CRAT: variants seen among roughly 807,000 people sequenced by gnomAD.
The protein encoded by CRAT is carnitine acetylase.
Under a neutral mutation model 73.7 loss-of-function variants are expected in CRAT, and 66 were observed. That is an observed-to-expected ratio of 0.90 (90% CI 0.73 to 1.10). CRAT has a LOEUF of 1.10. Among genes scored for constraint, CRAT ranks in the 50% least tolerant of loss-of-function variants. CRAT has a pLI of 0.00. For synonymous variants in CRAT, 321 were observed against 343.2 expected, an observed-to-expected ratio of 0.94 and a Z score of 0.71; for missense variants, 745 against 846.9, an observed-to-expected ratio of 0.88 and a Z score of 1.49.
At chr9:129,095,965 C>G (rs372493256) in intron 13 of CRAT, 33 bp downstream of exon 13, 1 of 1,613,380 alleles carries the variant, frequency 6.2e-7, no homozygotes. Flanking sequence ...TTCTCTGCCT[C>G]CAGCCCCCGG....
chr9:129,096,167 G>A (rs778009405), intron 12 of CRAT, 32 bp from the exon 13 acceptor site: 1 of 1,610,112 alleles, frequency 6.2e-7, no homozygotes, highest in Non-Finnish European at 8.5e-7. Context: ...CAGGAGCAGG[G>A]GCTGTGGACC....
Position 129,095,333 on chromosome 9 carries a change from C to G in CRAT, c.*64G>C. ...GAAGAGGGAACCAAGGAGCTGAGCC[C>G]TGGTGGGTGGCCCATCCCAGGGTGG... On this transcript the variant is annotated 3_prime_UTR_variant, in exon 14 of 14. Coordinates refer to ENST00000318080, the MANE Select transcript of CRAT (RefSeq NM_000755.5). 1 of 1,542,152 alleles carries G rather than the reference C, an allele frequency of 6.5e-7. No homozygotes were observed. The highest frequency in any genetic ancestry group is 8.9e-7 in the Non-Finnish European group (1 of 1,129,568).
rs930784609 is a variant in CRAT at position 129,110,173 on chromosome 9, G to T, written c.27+310C>A. Among the ~76,000 whole-genome samples the T allele has an allele frequency of 6.6e-6, 1 of 152,176 alleles. No individual in the cohort carries two copies. The highest frequency in any genetic ancestry group is 1.5e-5 in the Non-Finnish European group (1 of 68,014). ...TGGGAGAGTGAGCTAGGGTCTGGAT[G>T]CTCCTGGTCTCTCTCCCCTACCGGC... is the stretch of plus-strand genomic sequence containing the variant. On this transcript the variant is annotated intron_variant, in intron 1 of 13. Transcript: ENST00000318080. The surrounding 1 kb of genome is among the most constrained non-coding windows in gnomAD (Gnocchi z 5.3).
Position 129,107,271 on chromosome 9 carries a change from A to T in CRAT, c.291+543T>A. The T allele has an allele frequency of 8.1e-6, 2 of 248,248 alleles. No homozygotes were observed. Among genetic ancestry groups the T allele is most frequent in the Non-Finnish European group, 1.6e-5 (2 of 128,442 alleles). 15.4% of individuals were successfully genotyped at this position (248,248 alleles called of 1,614,324 possible). On this transcript the variant is annotated intron_variant, in intron 2 of 13. Transcript: ENST00000318080. This position sits in a 1 kb window ranked among gnomAD's most constrained non-coding sequence, Gnocchi z 5.0. The stretch of plus-strand genomic sequence containing the variant: ...CTGGTCCCGAACTCCTGACCTTGTG[A>T]TCTGCCCGCCTTGGACTCCCAAAGT...
rs1171462697 is a variant in CRAT at position 129,095,170 on chromosome 9, C to T, written c.*227G>A. ...CCGGGCCTAACGTCCTGCTCAGCCT[C>T]TGCACTCAGCCCCAGGTCGGGCCCT... is the stretch of plus-strand genomic sequence containing the variant. On this transcript the variant is annotated 3_prime_UTR_variant, in exon 14 of 14. Coordinates refer to ENST00000318080, the MANE Select transcript of CRAT (RefSeq NM_000755.5). The T allele has an allele frequency of 1.0e-5, 6 of 593,642 alleles. No homozygotes were observed. Among genetic ancestry groups the T allele is most frequent in the Non-Finnish European group, 1.8e-5 (6 of 335,436 alleles). 36.8% of individuals were successfully genotyped at this position (593,642 alleles called of 1,614,324 possible). A position where few individuals can be genotyped will look rare whatever the true frequency, so the allele number is the denominator to read the frequency against.
At chr9:129,100,022 C>G in intron 7 of CRAT, 56 bp from the exon 8 acceptor site, 1 of 1,425,066 alleles carries the variant, frequency 7.0e-7, no homozygotes, top group Non-Finnish European at 9.9e-7. Flanking sequence ...GGTGGCCCCT[C>G]ACCCAACCAC....
At position 129,102,582 on chromosome 9, in the gene CRAT, C is replaced by A. The variant is rs1281791977; in HGVS notation, c.465-17G>T. ...AGGGTCTCGCTATGGGGTAGAGGGG[C>A]AGTGAGGCCACCACTGGGCAAGTGA... On this transcript the variant is annotated splice_polypyrimidine_tract_variant and intron_variant, in intron 4 of 13. Transcript: ENST00000318080. The A allele has an allele frequency of 6.2e-7, 1 of 1,612,958 alleles. No individual in the cohort carries two copies. The highest frequency in any genetic ancestry group is 1.7e-5 in the Admixed American group (1 of 59,974).
In CRAT at chr9:129,095,389, CT is replaced by C; in HGVS notation, c.*7del. The C allele has an allele frequency of 6.2e-7, 1 of 1,608,694 alleles. No individual in the cohort carries two copies. Among genetic ancestry groups the C allele is most frequent in the Admixed American group, 1.7e-5 (1 of 59,990 alleles). On this transcript the variant is annotated 3_prime_UTR_variant, in exon 14 of 14. Coordinates refer to ENST00000318080, the MANE Select transcript of CRAT (RefSeq NM_000755.5). The stretch of plus-strand genomic sequence containing the variant: ...GCTGTGGCATTGGCAGGCCTGAGTC[CT>C]AGGGGCTCAGAGCTTGGCCCGGGGG...
In CRAT at chr9:129,106,101, A is replaced by G. The variant is rs1847999175; in HGVS notation, c.291+1713T>C. 1.3e-5 allele frequency among the ~76,000 whole-genome samples: 2 copies of G among 152,158 alleles called. 1 individual carries two copies. The highest frequency in any genetic ancestry group is 6.3e-3 in the Middle Eastern group (2 of 316). ...CTCTTCATCACACGCACTCCCCTGCAGCACTGGGCCACTAGCCTTTGGCAA... is the reference window on the plus strand; with the variant it reads ...CTCTTCATCACACGCACTCCCCTGCGGCACTGGGCCACTAGCCTTTGGCAA... On this transcript the variant is annotated intron_variant, in intron 2 of 13. Transcript: ENST00000318080. This position sits in a 1 kb window ranked among gnomAD's most constrained non-coding sequence, Gnocchi z 4.0.
intron 7 of CRAT, 110 bp downstream of exon 7, chr9:129,100,401 T>C (rs751852446): frequency 1.7e-4 from 223 of 1,334,136 alleles, no homozygotes; most frequent in Non-Finnish European, 2.2e-4. Flanking sequence ...CCTGCCTGCT[T>C]TACAAGCTAG....
In CRAT at chr9:129,100,499, G is replaced by A. The variant is rs572860703; in HGVS notation, c.984+12C>T. On this transcript the variant is annotated intron_variant, in intron 7 of 13. Transcript: ENST00000318080. ...GGTGTGTGTGAGTGGGCGAAGCCCT[G>A]CCGGGCCTCACCTGCAGCGTCTTGT... is the stretch of plus-strand genomic sequence containing the variant. 7.2e-5 allele frequency: 116 copies of A among 1,608,834 alleles called. 1 individual carries two copies. In the South Asian group the frequency reaches 1.2e-3, roughly 17 times the overall value.
chr9:129,095,667 T>C, intron 13 of CRAT, 55 bp from the exon 14 acceptor site: 2 of 1,541,682 alleles, frequency 1.3e-6, no homozygotes, highest in Non-Finnish European at 8.8e-7. Flanking sequence ...CCCCCAGCAC[T>C]TCCCAGGCTG....
Position 129,094,828 on chromosome 9 carries a change from C to G in CRAT, c.*569G>C, listed in dbSNP as rs2296771. On this transcript the variant is annotated 3_prime_UTR_variant, in exon 14 of 14. Transcript: ENST00000318080. ...ACAATTCCCCTTTATTGATGACCTT[C>G]CACATTAATATCATACAGCAGGGCG... 6,893 of 154,404 alleles carry G rather than the reference C, an allele frequency of 0.045. 507 individuals are homozygous for G. The highest frequency in any genetic ancestry group is 0.15 in the African/African-American group (6,441 of 41,592). The allele number at this position is 154,404 out of a possible 1,614,324, so 9.6% of individuals were successfully genotyped here.
At chr9:129,095,759 G>T in intron 13 of CRAT, 147 bp from the exon 14 acceptor site, 1 of 952,248 alleles carries the variant, frequency 1.1e-6, no homozygotes, top group Non-Finnish European at 1.6e-6. Context: ...AACCACTACA[G>T]GCTGGCACGA....
chr9:129,095,133 C>T lies in CRAT; in HGVS notation c.*264G>A, dbSNP rs17486059. 1.8e-3 allele frequency: 940 copies of T among 531,632 alleles called. 6 individuals are homozygous for T. Among genetic ancestry groups the T allele is most frequent in the African/African-American group, 0.016 (822 of 52,658 alleles). The allele number at this position is 531,632 out of a possible 1,614,324, so 32.9% of individuals were successfully genotyped here. ...CCCCAGAGGAGGCACCGGTGGAGGA[C>T]GTGCCAGGGGCCCGGGCCTAACGTC... On this transcript the variant is annotated 3_prime_UTR_variant, in exon 14 of 14. Coordinates refer to ENST00000318080, the MANE Select transcript of CRAT (RefSeq NM_000755.5).
chr9:129,095,703 C>T (rs912864049), intron 13 of CRAT, 91 bp from the exon 14 acceptor site: 5 of 1,324,520 alleles, frequency 3.8e-6, no homozygotes, highest in Non-Finnish European at 4.2e-6. Flanking sequence ...AGACTGCAGG[C>T]CCCTTGTGGG....
chr9:129,102,686 G>A, intron 4 of CRAT, 121 bp from the exon 5 acceptor site: 1 of 1,162,794 alleles, frequency 8.6e-7, no homozygotes, highest in South Asian at 1.4e-5. Flanking sequence ...CCCACTCCCA[G>A]ATGAGCAGGA....
At chr9:129,102,929 G>A in intron 4 of CRAT, 84 bp downstream of exon 4, 5 of 1,306,114 alleles carry the variant, frequency 3.8e-6, no homozygotes, top group Non-Finnish European at 4.4e-6. Flanking sequence ...CTGGCATGCC[G>A]GGCCAGGGCT....
chr9:129,101,946 C>A lies in CRAT; in HGVS notation c.742G>T (p.Val248Leu), dbSNP rs758127979. 1.2e-6 allele frequency: 2 copies of A among 1,614,086 alleles called. No homozygotes were observed. Among genetic ancestry groups the A allele is most frequent in the Non-Finnish European group, 1.7e-6 (2 of 1,180,042 alleles). The change falls in exon 6 of 14, where the codon GTG (valine) becomes TTG (leucine). Residue 248 changes from valine to leucine, a missense_variant. Transcript: ENST00000318080. ...NSSLQTNKEPVGILTSNHRNS... is the reference protein window; with the variant it reads ...NSSLQTNKEPLGILTSNHRNS... ...CGGTGGTTGGAGGTGAGGATGCCCA[C>A]AGGCTCCTTGTTGGTCTGTAGGGAT...
Sources: allele counts gnomAD v4.1 joint callset (sites outside exome capture counted in the v4.1 genomes callset), GRCh38; gene constraint gnomAD v4.1.1; non-coding constraint Gnocchi (gnomAD v3.1); transcripts MANE v1.5; gene names NCBI Gene and HGNC (gene_info 2026-07-23, HGNC 2026-07-21).